Variants in PCDHGA6 observed in about 807,000 individuals in gnomAD.
The protein encoded by PCDHGA6 is protocadherin gamma-A6.
A neutral mutation model predicts 60.6 loss-of-function variants in PCDHGA6; 41 were observed. The observed-to-expected ratio is 0.68, with a 90% CI of 0.53 to 0.88. The LOEUF (loss-of-function observed/expected upper bound fraction) is 0.88. PCDHGA6 is among the 40% of genes least tolerant of loss of function. PCDHGA6 has a pLI of 0.00. For synonymous variants in PCDHGA6, 594 were observed against 524.4 expected (o/e 1.13, Z -1.81); for missense variants, 1,312 against 1,203.0 (o/e 1.09, Z -1.34).
intron 1 of PCDHGA6, among the ~76,000 whole-genome samples, chr5:141,464,162 G>A (rs1030872607): frequency 6.6e-6 from 1 of 151,946 alleles, no homozygotes; most frequent in African/African-American, 2.4e-5. Context: ...CTACTTGGAA[G>A]GCTGAGGCAG....
In PCDHGA6 at chr5:141,439,058, TGGCA is replaced by T. The variant is rs1241503235; in HGVS notation, c.2425-55745_2425-55742del. On this transcript the variant is annotated intron_variant, in intron 1 of 3. Transcript: ENST00000517434. ...CAGTTCATAAGATTTCCATATTGTG[TGGCA>T]GGCGCCTGTAATCCCAGCTACTCAG... 2.0e-5 allele frequency among the ~76,000 whole-genome samples: 3 copies of T among 151,580 alleles called. No individual in the cohort carries two copies. The East Asian group carries it at 5.9e-4, about 30-fold the overall frequency.
intron 1 of PCDHGA6, among the ~76,000 whole-genome samples, chr5:141,461,838 T>G (rs1592748714): frequency 6.6e-6 from 1 of 151,980 alleles, no homozygotes; most frequent in African/African-American, 2.4e-5. Context: ...TTCTTTTTTT[T>G]TTGAGACAGA....
chr5:141,481,691 C>G (rs929210528), intron 1 of PCDHGA6, among the ~76,000 whole-genome samples: 3 of 152,080 alleles, frequency 2.0e-5, no homozygotes, highest in African/African-American at 4.8e-5. Context: ...TGGTGGCTCA[C>G]GCCTGTAATC....
chr5:141,486,401 G>T lies in PCDHGA6; in HGVS notation c.2425-8406G>T. 6.2e-7 allele frequency: 1 copy of T among 1,614,174 alleles called. No individual in the cohort carries two copies. On this transcript the variant is annotated intron_variant, in intron 1 of 3. Transcript: ENST00000517434. The surrounding 1 kb of genome is among the most constrained non-coding windows in gnomAD (Gnocchi z 5.0). ...CAGGAACCAGTTCTCCCTGGTGACT[G>T]CTGGACCCTTGGATCGAGAGGCCAA...
chr5:141,436,240 G>A (rs192988618), intron 1 of PCDHGA6, among the ~76,000 whole-genome samples: 2 of 152,200 alleles, frequency 1.3e-5, no homozygotes, highest in East Asian at 3.9e-4. Flanking sequence ...AGCTAACATG[G>A]TCTAATTATT....
chr5:141,425,881 A>C (rs911454948), intron 1 of PCDHGA6, among the ~76,000 whole-genome samples: 1 of 152,230 alleles, frequency 6.6e-6, no homozygotes, highest in African/African-American at 2.4e-5. Context: ...TCTCTAAGGA[A>C]TCTTCTTTGG....
chr5:141,486,555 A>T lies in PCDHGA6; in HGVS notation c.2425-8252A>T, dbSNP rs746001345. The T allele has an allele frequency of 6.2e-6, 10 of 1,614,078 alleles. No individual in the cohort carries two copies. Among genetic ancestry groups the T allele is most frequent in the Non-Finnish European group, 7.6e-6 (9 of 1,180,022 alleles). ...CCCTCTTTCTTTCAGAGGTCACATGAGGTGTTTGTTCCTGAGAACAATCGC... is the reference window on the plus strand; with the variant it reads ...CCCTCTTTCTTTCAGAGGTCACATGTGGTGTTTGTTCCTGAGAACAATCGC... On this transcript the variant is annotated intron_variant, in intron 1 of 3. Transcript: ENST00000517434. This position sits in a 1 kb window ranked among gnomAD's most constrained non-coding sequence, Gnocchi z 5.0.
chr5:141,483,904 T>A (rs11750647), intron 1 of PCDHGA6, among the ~76,000 whole-genome samples: 24,531 of 151,676 alleles, frequency 0.16, 2,105 homozygotes, highest in African/African-American at 0.21. Context: ...CTCTGGTGTG[T>A]TTCCCACTCA....
In PCDHGA6 at chr5:141,485,013, C is replaced by A. The variant is rs551059588; in HGVS notation, c.2425-9794C>A. ...GTGAAAGGCAGACAAATCTACCCCG[C>A]CACCAGCAAAAACGGCGCGTAACCC... On this transcript the variant is annotated intron_variant, in intron 1 of 3. Coordinates refer to ENST00000517434, the MANE Select transcript of PCDHGA6 (RefSeq NM_018919.3). This position sits in a 1 kb window ranked among gnomAD's most constrained non-coding sequence, Gnocchi z 5.7. The A allele has an allele frequency of 6.3e-6, 4 of 634,556 alleles. No homozygotes were observed. Among genetic ancestry groups the A allele is most frequent in the South Asian group, 3.9e-5 (2 of 51,594 alleles). The allele number at this position is 634,556 out of a possible 1,614,324, so 39.3% of individuals were successfully genotyped here. A position where few individuals can be genotyped will look rare whatever the true frequency, so the allele number is the denominator to read the frequency against.
intron 2 of PCDHGA6, among the ~76,000 whole-genome samples, chr5:141,500,428 C>G (rs1224554560): frequency 6.6e-6 from 1 of 151,836 alleles, no homozygotes; most frequent in African/African-American, 2.4e-5. Context: ...CCAGGATGGT[C>G]TCGATCTCCT....
intron 1 of PCDHGA6, among the ~76,000 whole-genome samples, chr5:141,445,945 C>G (rs1433543714): frequency 1.3e-5 from 2 of 152,254 alleles, no homozygotes; most frequent in Non-Finnish European, 2.9e-5. Flanking sequence ...TAAGCTTACT[C>G]TGGCTGCTAT....
At chr5:141,400,261 C>G in intron 1 of PCDHGA6, 1 of 1,614,058 alleles carries the variant, frequency 6.2e-7, no homozygotes. Context: ...CTTGCGCCTG[C>G]GACGCTCCTC....
At chr5:141,481,822 G>A (rs1017311512) in intron 1 of PCDHGA6, among the ~76,000 whole-genome samples, 12 of 151,620 alleles carry the variant, frequency 7.9e-5, no homozygotes, top group Non-Finnish European at 1.5e-4. Context: ...CGTGGTGGCT[G>A]AGGCAGGAGA....
chr5:141,401,654 G>T (rs566223613), intron 1 of PCDHGA6, among the ~76,000 whole-genome samples: 52 of 152,328 alleles, frequency 3.4e-4, no homozygotes, highest in Middle Eastern at 3.4e-3. Flanking sequence ...TAAATGACTG[G>T]ATGTTTTCTC....
Position 141,477,029 on chromosome 5 carries a change from A to G in PCDHGA6, c.2425-17778A>G. 6.2e-7 allele frequency: 1 copy of G among 1,614,238 alleles called. No homozygotes were observed. The highest frequency in any genetic ancestry group is 8.5e-7 in the Non-Finnish European group (1 of 1,180,040). ...CTTAGACCTTGTAACCGGGATGCTG[A>G]CAATCAAGGGTCGGCTGGACTTCGA... On this transcript the variant is annotated intron_variant, in intron 1 of 3. Coordinates refer to ENST00000517434, the MANE Select transcript of PCDHGA6 (RefSeq NM_018919.3). The surrounding 1 kb of genome is among the most constrained non-coding windows in gnomAD (Gnocchi z 4.9).
At chr5:141,396,015 T>C (rs1243437259) in intron 1 of PCDHGA6, 1 of 152,252 alleles carries the variant, frequency 6.6e-6, no homozygotes, top group South Asian at 2.1e-4. Context: ...AAAGTGACTT[T>C]TGTAAAATAT....
At position 141,422,424 on chromosome 5, in the gene PCDHGA6, T is replaced by C. The variant is rs1182660567; in HGVS notation, c.2424+45917T>C. The C allele has an allele frequency of 2.5e-6, 4 of 1,608,076 alleles. No homozygotes were observed. The East Asian group carries it at 6.7e-5, about 27-fold the overall frequency. On this transcript the variant is annotated intron_variant, in intron 1 of 3. Transcript: ENST00000517434. ...TGCCTTTTAAATTAGAAAAGACTTA[T>C]GGAAATTATTACAAATTGATAACAA...
rs369691483 is a variant in PCDHGA6 at position 141,383,272 on chromosome 5, G to A, written c.2424+6765G>A. 65 of 1,613,802 alleles carry A rather than the reference G, an allele frequency of 4.0e-5. No homozygotes were observed. Among genetic ancestry groups the A allele is most frequent in the Non-Finnish European group, 5.3e-5 (62 of 1,179,884 alleles). On this transcript the variant is annotated intron_variant, in intron 1 of 3. Transcript: ENST00000517434. The stretch of plus-strand genomic sequence containing the variant: ...TTACCCTATAGACGTGGAAATAATA[G>A]ATATTAATGACAACGTTCCAAGATT...
intron 1 of PCDHGA6, chr5:141,409,250 A>G: frequency 6.2e-7 from 1 of 1,614,024 alleles, no homozygotes; most frequent in Non-Finnish European, 8.5e-7. Flanking sequence ...AATAATCATC[A>G]CTTCTCTCTC....
Sources: allele counts gnomAD v4.1 joint callset (sites outside exome capture counted in the v4.1 genomes callset), GRCh38; gene constraint gnomAD v4.1.1; non-coding constraint Gnocchi (gnomAD v3.1); transcripts MANE v1.5; gene names NCBI Gene and HGNC (gene_info 2026-07-23, HGNC 2026-07-21).